HIVEP3: variants seen among roughly 807,000 people sequenced by gnomAD.
The protein encoded by HIVEP3 is transcription factor HIVEP3.
Under a neutral mutation model 152.8 loss-of-function variants are expected in HIVEP3, and 49 were observed. That is an observed-to-expected ratio of 0.32 (90% CI 0.26 to 0.41). The LOEUF (loss-of-function observed/expected upper bound fraction) is 0.41, where lower values mean the gene tolerates loss of function less well. Among genes scored for constraint, HIVEP3 ranks in the 10% least tolerant of loss-of-function variants. The pLI, the probability that HIVEP3 is intolerant of heterozygous loss-of-function variation, is 1.00. For missense variants in HIVEP3, 2,790 were observed against 3,103.3 expected, an observed-to-expected ratio of 0.90 and a Z score of 2.40; for synonymous variants, 1,269 against 1,289.0, an observed-to-expected ratio of 0.98 and a Z score of 0.33.
At chr1:41,788,247 G>A (rs938153242) in intron 1 of HIVEP3, among the ~76,000 whole-genome samples, 2 of 152,208 alleles carry the variant, frequency 1.3e-5, no homozygotes, top group Non-Finnish European at 2.9e-5. Flanking sequence ...GTGAGGCAGT[G>A]CAGGAACGCA....
chr1:41,934,588 A>G (rs72671296), intron 1 of HIVEP3, among the ~76,000 whole-genome samples: 2,236 of 152,238 alleles, frequency 0.015, 47 homozygotes, highest in African/African-American at 0.05. Flanking sequence ...TGCAACAGCA[A>G]ACAGAAGAAG....
chr1:41,921,255 CA>C (rs1398513943), upstream of HIVEP3, among the ~76,000 whole-genome samples: 1 of 152,178 alleles, frequency 6.6e-6, no homozygotes, highest in Non-Finnish European at 1.5e-5. Context: ...CATGATTCTG[CA>C]AAGACCCTGA....
chr1:41,883,723 C>G (rs112247799), intron 1 of HIVEP3, among the ~76,000 whole-genome samples: 69 of 152,294 alleles, frequency 4.5e-4, no homozygotes, highest in African/African-American at 1.3e-3. Flanking sequence ...GCACGGCCTG[C>G]TCTTCTGACA....
intron 1 of HIVEP3, among the ~76,000 whole-genome samples, chr1:41,977,426 TTGCC>T (rs918182746): frequency 1.3e-5 from 2 of 152,098 alleles, no homozygotes; most frequent in Non-Finnish European, 2.9e-5. Context: ...AGCTGCTTGC[TTGCC>T]TGCCTGCCTG....
At chr1:41,807,292 G>A (rs753606212) in intron 1 of HIVEP3, among the ~76,000 whole-genome samples, 4 of 152,180 alleles carry the variant, frequency 2.6e-5, no homozygotes, top group African/African-American at 9.7e-5. Context: ...GGCAGAAGAC[G>A]ATGAAGGGAA....
chr1:41,883,529 A>G (rs892427967), intron 1 of HIVEP3, among the ~76,000 whole-genome samples: 1 of 152,092 alleles, frequency 6.6e-6, no homozygotes, highest in African/African-American at 2.4e-5. Flanking sequence ...TAATGACAAA[A>G]CTGAGCCTGA....
At chr1:41,512,169 G>T (rs1028452480) in intron 8 of HIVEP3, among the ~76,000 whole-genome samples, 2 of 152,074 alleles carry the variant, frequency 1.3e-5, no homozygotes, top group Non-Finnish European at 2.9e-5. Context: ...TTGGATATTT[G>T]TCCCCGCCCA....
chr1:41,524,246 G>A (rs1642838976), intron 6 of HIVEP3, among the ~76,000 whole-genome samples: 1 of 152,142 alleles, frequency 6.6e-6, no homozygotes, highest in Non-Finnish European at 1.5e-5. Context: ...GGTGGGAGTG[G>A]AGAGGTGGGT....
At chr1:41,959,572 T>C (rs941509917) in intron 1 of HIVEP3, among the ~76,000 whole-genome samples, 2 of 152,210 alleles carry the variant, frequency 1.3e-5, no homozygotes, top group African/African-American at 2.4e-5. Context: ...AGGGGCAAGC[T>C]TGGACATAAC....
intron 3 of HIVEP3, among the ~76,000 whole-genome samples, chr1:41,598,774 G>A (rs1644703209): frequency 6.6e-6 from 1 of 151,060 alleles, no homozygotes; most frequent in South Asian, 2.1e-4. Flanking sequence ...GTAGGGTAAG[G>A]AAACATACTC....
At position 41,581,978 on chromosome 1, in the gene HIVEP3, C is replaced by A. The variant is rs1308367719; in HGVS notation, c.2820G>T (p.Leu940Phe). 1.9e-6 allele frequency: 3 copies of A among 1,614,150 alleles called. No individual in the cohort carries two copies. Among genetic ancestry groups the A allele is most frequent in the Non-Finnish European group, 2.5e-6 (3 of 1,180,020 alleles). The change falls in exon 4 of 9, where the codon TTG becomes TTT. Residue 940 changes from leucine to phenylalanine, a missense_variant. Around this residue, in one of 9 missense-constraint regions of HIVEP3, gnomAD observed 1,078 missense variants for 1,165.3 expected, o/e 0.93. Coordinates refer to ENST00000372583, the MANE Select transcript of HIVEP3 (RefSeq NM_024503.5). The surrounding 1 kb of genome is among the most constrained non-coding windows in gnomAD (Gnocchi z 4.5). ...ACGAGGCTGAGCGGCTGGACCCACT[C>A]AAAGAGACATTGCTTTCCTGGCTCG... Reference protein sequence around the residue: ...RSPSQESNVSLSGSSRSASFE... With the variant: ...RSPSQESNVSFSGSSRSASFE...
chr1:41,784,653 T>C (rs1649242917), intron 1 of HIVEP3, among the ~76,000 whole-genome samples: 1 of 152,198 alleles, frequency 6.6e-6, no homozygotes, highest in Non-Finnish European at 1.5e-5. Context: ...GGCAAGCTGG[T>C]TACACACCCC....
intron 1 of HIVEP3, among the ~76,000 whole-genome samples, chr1:41,883,697 T>C (rs1644298164): frequency 6.6e-6 from 1 of 152,174 alleles, no homozygotes; most frequent in African/African-American, 2.4e-5. Context: ...CAGAATGTGA[T>C]AGCAAGTTGC....
intron 1 of HIVEP3, among the ~76,000 whole-genome samples, chr1:41,979,665 C>T (rs1411650137): frequency 1.3e-5 from 2 of 152,144 alleles, no homozygotes; most frequent in Admixed American, 6.5e-5. Context: ...ATCTCATATC[C>T]AGGGCTTAGC....
At chr1:41,817,674 G>A (rs980023621) in intron 1 of HIVEP3, among the ~76,000 whole-genome samples, 1 of 152,206 alleles carries the variant, frequency 6.6e-6, no homozygotes, top group Non-Finnish European at 1.5e-5. Context: ...GTTACCCCTT[G>A]CTAAGGTGGA....
At chr1:41,562,620 T>TCCCC (rs1558063039) in intron 5 of HIVEP3, among the ~76,000 whole-genome samples, 1 of 102,520 alleles carries the variant, frequency 9.8e-6, no homozygotes, top group Non-Finnish European at 2.1e-5. Flanking sequence ...TCTCTCTCTC[T>TCCCC]CTCTCTCTCT....
intron 1 of HIVEP3, among the ~76,000 whole-genome samples, chr1:41,948,203 T>C (rs1346255880): frequency 6.6e-6 from 1 of 152,218 alleles, no homozygotes; most frequent in Non-Finnish European, 1.5e-5. Context: ...TCAGTGATAA[T>C]GGAATACTTG....
At chr1:41,686,433 G>A (rs561151165) in intron 2 of HIVEP3, among the ~76,000 whole-genome samples, 3 of 152,262 alleles carry the variant, frequency 2.0e-5, no homozygotes, top group Non-Finnish European at 2.9e-5. Flanking sequence ...TGGGCCCATC[G>A]ATGTTCAAGA....
At chr1:41,673,237 G>A (rs1235880564) in intron 2 of HIVEP3, among the ~76,000 whole-genome samples, 2 of 152,228 alleles carry the variant, frequency 1.3e-5, no homozygotes, top group South Asian at 2.1e-4. Flanking sequence ...AAACAGCTGG[G>A]TCAGGAACGA....
Sources: gnomAD v4.1 joint callset for allele counts (sites outside exome capture counted in the v4.1 genomes callset) on GRCh38, gnomAD v4.1.1 for gene constraint, gnomAD v4.1.1 regional missense constraint, Gnocchi (gnomAD v3.1) non-coding constraint, MANE v1.5 for transcripts, NCBI Gene and HGNC (gene_info 2026-07-23, HGNC 2026-07-21) for gene names.